PKNOX1: variants seen among roughly 807,000 people sequenced by gnomAD.
PKNOX1 encodes the protein PBX/knotted 1 homeobox 1.
A neutral mutation model predicts 51.9 loss-of-function variants in PKNOX1; 15 were observed. That is an observed-to-expected ratio of 0.29 (90% CI 0.19 to 0.45). The LOEUF (loss-of-function observed/expected upper bound fraction) is 0.45, where lower values mean the gene tolerates loss of function less well. Among genes scored for constraint, PKNOX1 ranks in the 20% least tolerant of loss-of-function variants. PKNOX1 has a pLI of 1.00. For missense variants in PKNOX1, 462 were observed against 547.5 expected, an observed-to-expected ratio of 0.84 and a Z score of 1.56; for synonymous variants, 219 against 211.1, an observed-to-expected ratio of 1.04 and a Z score of -0.32.
chr21:43,010,308 T>C, intron 4 of PKNOX1, 84 bp downstream of exon 4: 1 of 716,220 alleles, frequency 1.4e-6, no homozygotes, highest in South Asian at 2.2e-5. Flanking sequence ...AACTTTAGAC[T>C]GCTTGTAGTT....
Position 43,033,734 on chromosome 21 carries a change from G to C in PKNOX1, c.*3633G>C, listed in dbSNP as rs1052073296. The C allele has an allele frequency of 6.6e-6, 1 of 152,174 alleles. No homozygotes were observed. 9.4% of individuals were successfully genotyped at this position (152,174 alleles called of 1,614,324 possible). A position where few individuals can be genotyped will look rare whatever the true frequency, so the allele number is the denominator to read the frequency against. On this transcript the variant is annotated 3_prime_UTR_variant, in exon 11 of 11. Transcript: ENST00000291547. ...ACTAGGACCACACTGCATCGGACTA[G>C]TCAGGTCCATTTACATGTCCAAGAA...
chr21:42,987,404 A>AAAAAAAATATATATATATATATATATAT, intron 1 of PKNOX1, among the ~76,000 whole-genome samples: 2 of 41,416 alleles, frequency 4.8e-5, no homozygotes, highest in African/African-American at 1.9e-4. Flanking sequence ...AAAAAAAAAA[A>AAAAAAAATATATATATATATATATATAT]ATATATATAT....
chr21:43,004,699 T>G (rs1311096054), intron 2 of PKNOX1, among the ~76,000 whole-genome samples: 1 of 152,232 alleles, frequency 6.6e-6, no homozygotes, highest in Non-Finnish European at 1.5e-5. Flanking sequence ...CAGTGTTAAT[T>G]AGCACTGTTA....
At position 43,021,634 on chromosome 21, in the gene PKNOX1, G is replaced by A. The variant is rs1979759573; in HGVS notation, c.849+203G>A. ...GGGCAATGAGGGCTGCCGTGAAGGA[G>A]CACCCGAGCACATGTGAGGCGTACA... is the stretch of plus-strand genomic sequence containing the variant. On this transcript the variant is annotated intron_variant, in intron 8 of 10. Coordinates refer to ENST00000291547, the MANE Select transcript of PKNOX1 (RefSeq NM_004571.5). This position sits in a 1 kb window ranked among gnomAD's most constrained non-coding sequence, Gnocchi z 4.6. Among the ~76,000 whole-genome samples, 1 of 152,246 alleles carries A rather than the reference G, an allele frequency of 6.6e-6. No homozygotes were observed. Among genetic ancestry groups the A allele is most frequent in the Non-Finnish European group, 1.5e-5 (1 of 68,046 alleles).
intron 8 of PKNOX1, chr21:43,024,498 T>C (rs1384351782): frequency 5.6e-6 from 1 of 177,676 alleles, no homozygotes; most frequent in Non-Finnish European, 1.2e-5. Flanking sequence ...ATGGATGTAG[T>C]TTATTGTTCA....
chr21:42,991,059 C>A (rs888121412), intron 1 of PKNOX1, among the ~76,000 whole-genome samples: 5 of 152,176 alleles, frequency 3.3e-5, no homozygotes, highest in African/African-American at 1.2e-4. Context: ...CAAATTCTTT[C>A]AGCTTCAAAT....
chr21:43,017,089 T>C (rs1230076704), intron 6 of PKNOX1, 82 bp downstream of exon 6: 1 of 887,306 alleles, frequency 1.1e-6, no homozygotes, highest in East Asian at 2.5e-5. Context: ...AGTATAAATA[T>C]AATTTCAAGT....
intron 10 of PKNOX1, among the ~76,000 whole-genome samples, chr21:43,029,649 T>C (rs1369603374): frequency 6.6e-6 from 1 of 151,958 alleles, no homozygotes; most frequent in Non-Finnish European, 1.5e-5. Flanking sequence ...ACCAGGATGG[T>C]CTTGATCTCC....
At chr21:43,008,061 T>TCTCACACA (rs59792199) in intron 3 of PKNOX1, among the ~76,000 whole-genome samples, 7,597 of 146,824 alleles carry the variant, frequency 0.052, 634 homozygotes, top group African/African-American at 0.18. Flanking sequence ...CAAAACTCTG[T>TCTCACACA]CACACACACA....
intron 1 of PKNOX1, among the ~76,000 whole-genome samples, chr21:42,984,238 G>A (rs1470170776): frequency 6.6e-6 from 1 of 151,550 alleles, no homozygotes; most frequent in Non-Finnish European, 1.5e-5. Flanking sequence ...CCTGTGCCTG[G>A]CTATGTTCAT....
intron 1 of PKNOX1, among the ~76,000 whole-genome samples, chr21:42,976,722 A>G (rs1487983836): frequency 1.3e-5 from 2 of 152,190 alleles, no homozygotes; most frequent in Non-Finnish European, 2.9e-5. Flanking sequence ...TCCTTCCTCC[A>G]CTGAAGTCTT....
intron 1 of PKNOX1, among the ~76,000 whole-genome samples, chr21:42,975,993 TTA>T (rs1244158272): frequency 2.0e-5 from 3 of 152,188 alleles, no homozygotes; most frequent in African/African-American, 7.2e-5. Flanking sequence ...GCTCTTGCAT[TTA>T]GTCATAATTT....
chr21:43,018,135 G>A lies in PKNOX1; in HGVS notation c.625G>A (p.Gly209Ser), dbSNP rs903322210. The A allele has an allele frequency of 9.4e-6, 15 of 1,592,224 alleles. No individual in the cohort carries two copies. The highest frequency in any genetic ancestry group is 1.3e-5 in the Non-Finnish European group (15 of 1,160,664). The change falls in exon 7 of 11, where the codon GGC becomes AGC. Residue 209 changes from glycine to serine, a missense_variant and splice_region_variant. Physicochemically the swap from Gly to Ser is moderately conservative, Grantham distance 56. This residue lies in a region of PKNOX1 where 126 missense variants were observed against 128.1 expected (regional missense o/e 0.98). Coordinates refer to ENST00000291547, the MANE Select transcript of PKNOX1 (RefSeq NM_004571.5). ...GNVAMATVAG[G>S]TVYQPVTVVT... ...ATATTTTTATTCTCCCTTTCGAGGTGGCACAGTGTATCAGCCTGTCACGGT... is the reference window on the plus strand; with the variant it reads ...ATATTTTTATTCTCCCTTTCGAGGTAGCACAGTGTATCAGCCTGTCACGGT...
In PKNOX1 at chr21:43,021,910, C is replaced by T. The variant is rs1247571895; in HGVS notation, c.849+479C>T. On this transcript the variant is annotated intron_variant, in intron 8 of 10. Transcript: ENST00000291547. This position sits in a 1 kb window ranked among gnomAD's most constrained non-coding sequence, Gnocchi z 4.6. ...CGCGCCGTTTTGCCCAGCACGTGTG[C>T]ACCCGGCTTCCTCCCCCGGGCCATG... is the stretch of plus-strand genomic sequence containing the variant. Among the ~76,000 whole-genome samples the T allele has an allele frequency of 6.6e-6, 1 of 152,244 alleles. No homozygotes were observed. The highest frequency in any genetic ancestry group is 2.4e-5 in the African/African-American group (1 of 41,468).
Position 43,018,250 on chromosome 21 carries a change from G to A in PKNOX1, c.720+20G>A. On this transcript the variant is annotated intron_variant, in intron 7 of 10. Transcript: ENST00000291547. ...TCCCAGGTGCGTGCGCCATTTTATG[G>A]AAGGCTTTGGGGGCGAGTGCTGCCC... 6.4e-7 allele frequency: 1 copy of A among 1,562,414 alleles called. No individual in the cohort carries two copies. Among genetic ancestry groups the A allele is most frequent in the Non-Finnish European group, 8.8e-7 (1 of 1,133,224 alleles).
rs1371514285 is a variant in PKNOX1 at position 43,032,028 on chromosome 21, A to G, written c.*1927A>G. ...AGGCATGCGCCACCACACCCGGCTA[A>G]TTTTGTATTTTTAGTAGAGATGGGT... On this transcript the variant is annotated 3_prime_UTR_variant, in exon 11 of 11. Transcript: ENST00000291547. 1 of 374,540 alleles carries G rather than the reference A, an allele frequency of 2.7e-6. No individual in the cohort carries two copies. The highest frequency in any genetic ancestry group is 5.4e-6 in the Non-Finnish European group (1 of 186,334). The allele number at this position is 374,540 out of a possible 1,614,324, so 23.2% of individuals were successfully genotyped here.
intron 1 of PKNOX1, among the ~76,000 whole-genome samples, chr21:42,987,413 A>ATATATATATATATATATCTATC (rs2059059592): frequency 7.6e-6 from 1 of 132,066 alleles, no homozygotes; most frequent in African/African-American, 2.9e-5. Context: ...AAATATATAT[A>ATATATATATATATATATCTATC]TATATATATA....
chr21:42,976,848 G>A (rs566868030), intron 1 of PKNOX1, among the ~76,000 whole-genome samples: 2 of 152,280 alleles, frequency 1.3e-5, no homozygotes, highest in South Asian at 4.1e-4. Flanking sequence ...ATTCTTTCCA[G>A]AAGGTTTTCA....
chr21:43,022,555 C>A (rs995080271), intron 8 of PKNOX1, among the ~76,000 whole-genome samples: 4 of 152,094 alleles, frequency 2.6e-5, no homozygotes, highest in African/African-American at 9.7e-5. Flanking sequence ...TGCTTGCCTG[C>A]CCTGGCCTCT....
Sources: gnomAD v4.1 joint callset for allele counts (sites outside exome capture counted in the v4.1 genomes callset) on GRCh38, gnomAD v4.1.1 for gene constraint, gnomAD v4.1.1 regional missense constraint, Gnocchi (gnomAD v3.1) non-coding constraint, MANE v1.5 for transcripts, NCBI Gene and HGNC (gene_info 2026-07-23, HGNC 2026-07-21) for gene names.